The following ATR variants were observed in gnomAD, a reference collection of about 807,000 sequenced individuals.
The protein encoded by ATR is ATR checkpoint kinase.
Under a neutral mutation model 305.3 loss-of-function variants are expected in ATR, and 142 were observed. The observed-to-expected ratio is 0.47, with a 90% CI of 0.41 to 0.53. The LOEUF (loss-of-function observed/expected upper bound fraction) is 0.53. Among genes scored for constraint, ATR ranks in the 20% least tolerant of loss-of-function variants. The probability of loss-of-function intolerance (pLI) is 0.00; values close to 1 mark genes in which losing one functional copy is unlikely to be tolerated. For synonymous variants in ATR, 1,050 were observed against 1,068.1 expected (o/e 0.98, Z 0.33); for missense variants, 2,135 against 3,133.1 (o/e 0.68, Z 7.60).
chr3:142,569,624 GTTT>G (rs534874681), intron 1 of ATR, among the ~76,000 whole-genome samples: 1 of 145,880 alleles, frequency 6.9e-6, no homozygotes, highest in African/African-American at 2.5e-5. Flanking sequence ...GCCCAACTGT[GTTT>G]TTTTTTTGTG....
intron 30 of ATR, among the ~76,000 whole-genome samples, chr3:142,501,169 G>A (rs985624823): frequency 6.6e-6 from 1 of 152,112 alleles, no homozygotes; most frequent in East Asian, 1.9e-4. Flanking sequence ...ATTGACGCAT[G>A]CCTTTTTCAC....
At position 142,530,586 on chromosome 3, in the gene ATR, G is replaced by A. The variant is rs77627941; in HGVS notation, c.3945+4494C>T. On this transcript the variant is annotated intron_variant, in intron 21 of 46. Transcript: ENST00000350721. ...GGATTTCTCTTTCATGAGTATCCAC[G>A]TCAGCATAGTGAAGTGCAGTTTTCT... 5.6e-3 allele frequency among the ~76,000 whole-genome samples: 857 copies of A among 152,260 alleles called. 19 individuals carry two copies. In the East Asian group the frequency reaches 0.084, roughly 15 times the overall value.
chr3:142,502,786 C>T (rs1028119139), intron 30 of ATR, among the ~76,000 whole-genome samples: 1 of 152,214 alleles, frequency 6.6e-6, no homozygotes, highest in Non-Finnish European at 1.5e-5. Flanking sequence ...GCTGTCAGCT[C>T]TCACAGCAAA....
chr3:142,469,012 T>C, intron 38 of ATR, among the ~76,000 whole-genome samples: 1 of 151,920 alleles, frequency 6.6e-6, no homozygotes, highest in East Asian at 1.9e-4. Context: ...AAAATAAAAA[T>C]TCAGGTAGTT....
intron 23 of ATR, 104 bp downstream of exon 23, chr3:142,522,624 A>T (rs2108394855): frequency 2.0e-6 from 2 of 987,146 alleles, no homozygotes; most frequent in Non-Finnish European, 3.2e-6. Context: ...AACTTTGATA[A>T]AAGTGAGAAT....
chr3:142,511,095 G>A (rs930321834), intron 27 of ATR, among the ~76,000 whole-genome samples: 2 of 151,902 alleles, frequency 1.3e-5, no homozygotes, highest in African/African-American at 4.8e-5. Context: ...TTTAGGCCAT[G>A]AAATAAATAA....
At chr3:142,469,590 A>G in intron 37 of ATR, 21 bp from the exon 38 acceptor site, 1 of 1,576,062 alleles carries the variant, frequency 6.3e-7, no homozygotes, top group Non-Finnish European at 8.7e-7. Context: ...AAATAAGTTT[A>G]AAAAACAATA....
At chr3:142,492,805 A>C (rs372214122) in intron 35 of ATR, among the ~76,000 whole-genome samples, 4 of 152,230 alleles carry the variant, frequency 2.6e-5, no homozygotes, top group East Asian at 1.9e-4. Flanking sequence ...CATCTATATA[A>C]AGTTTAATAC....
intron 1 of ATR, among the ~76,000 whole-genome samples, chr3:142,573,809 A>T (rs1251839372): frequency 6.6e-6 from 1 of 152,180 alleles, no homozygotes; most frequent in Non-Finnish European, 1.5e-5. Context: ...TTTACAGCAC[A>T]TCTCAATTTA....
intron 5 of ATR, 95 bp downstream of exon 5, chr3:142,561,148 G>A (rs921311270): frequency 4.5e-6 from 6 of 1,333,492 alleles, no homozygotes; most frequent in African/African-American, 1.5e-5. Context: ...TGTTCTTTGT[G>A]TATTTAAATC....
At chr3:142,557,022 C>T (rs944164904) in intron 8 of ATR, among the ~76,000 whole-genome samples, 7 of 152,022 alleles carry the variant, frequency 4.6e-5, no homozygotes, top group Non-Finnish European at 1.0e-4. Context: ...CTCTATAACC[C>T]AACAATACTA....
At chr3:142,466,703 C>G (rs1293577819) in intron 39 of ATR, among the ~76,000 whole-genome samples, 170 bp from the exon 40 acceptor site, 1 of 152,004 alleles carries the variant, frequency 6.6e-6, no homozygotes, top group African/African-American at 2.4e-5. Flanking sequence ...AATAATAGTA[C>G]CTACATCATA....
At chr3:142,564,810 G>C (rs541975228) in intron 3 of ATR, among the ~76,000 whole-genome samples, 161 of 151,574 alleles carry the variant, frequency 1.1e-3, no homozygotes, top group Non-Finnish European at 2.1e-3. Flanking sequence ...GGAGTGCAAC[G>C]GCATGGTCTT....
chr3:142,462,747 C>T (rs1418182061), intron 41 of ATR, among the ~76,000 whole-genome samples: 3 of 152,202 alleles, frequency 2.0e-5, no homozygotes, highest in Non-Finnish European at 2.9e-5. Context: ...GGATTACAGG[C>T]ATGAGCCACT....
At chr3:142,470,968 T>C (rs2071249667) in intron 36 of ATR, among the ~76,000 whole-genome samples, 1 of 152,216 alleles carries the variant, frequency 6.6e-6, no homozygotes, top group African/African-American at 2.4e-5. Context: ...ACAACCATTT[T>C]TAAGTGTACA....
rs1360106499 is a variant in ATR, at chr3:142,498,599, C to T, written c.5556G>A (p.Val1852=). The T allele has an allele frequency of 3.1e-6, 5 of 1,613,040 alleles. No homozygotes were observed. The highest frequency in any genetic ancestry group is 3.7e-4 in the Middle Eastern group (2 of 5,390). Residue 1852 remains valine, a splice_region_variant and synonymous_variant, in exon 32 of 47, where the codon GTG becomes GTA. Coordinates refer to ENST00000350721, the MANE Select transcript of ATR (RefSeq NM_001184.4). ...TAAAAATGGAAATTCCAAAATACCT[C>T]ACAATATATTCATATCCTCGTTGGT... is the stretch of plus-strand genomic sequence containing the variant. The part of the protein sequence containing the change: ...GSYQRGYEYI[V]RLHMLCELEH...
chr3:142,513,470 T>C (rs754120505), intron 26 of ATR, 31 bp downstream of exon 26: 49 of 1,610,834 alleles, frequency 3.0e-5, no homozygotes, highest in Admixed American at 1.8e-4. Flanking sequence ...GTTTCACATG[T>C]TCAAAAACCA....
At chr3:142,553,157 T>C in intron 13 of ATR, 70 bp downstream of exon 13, 4 of 1,532,756 alleles carry the variant, frequency 2.6e-6, no homozygotes, top group Non-Finnish European at 3.6e-6. Flanking sequence ...CATGTATAAA[T>C]ATTCTTCTTT....
At chr3:142,569,183 T>C (rs1219460729) in intron 1 of ATR, among the ~76,000 whole-genome samples, 1 of 152,186 alleles carries the variant, frequency 6.6e-6, no homozygotes, top group Non-Finnish European at 1.5e-5. Context: ...ACATAAAAAC[T>C]AAATTTTTGG....
Sources: gnomAD v4.1 joint callset for allele counts (sites outside exome capture counted in the v4.1 genomes callset) on GRCh38, gnomAD v4.1.1 for gene constraint, MANE v1.5 for transcripts, NCBI Gene and HGNC (gene_info 2026-07-23, HGNC 2026-07-21) for gene names.